The following EMILIN2 variants were observed in gnomAD, a reference collection of about 807,000 sequenced individuals.
EMILIN2 encodes EMILIN-2.
A neutral mutation model predicts 87.1 loss-of-function variants in EMILIN2; 71 were observed. The ratio of observed to expected loss-of-function variants is 0.82; its 90% CI spans 0.67 to 0.99. The LOEUF (loss-of-function observed/expected upper bound fraction) is 0.99, where lower values mean the gene tolerates loss of function less well. Among genes scored for constraint, EMILIN2 ranks in the 50% least tolerant of loss-of-function variants. The probability of loss-of-function intolerance (pLI) is 0.00; values close to 1 mark genes in which losing one functional copy is unlikely to be tolerated. For missense variants in EMILIN2, 1,407 were observed against 1,371.8 expected (o/e 1.03, Z -0.40); for synonymous variants, 581 against 563.4 (o/e 1.03, Z -0.44).
chr18:2,876,629 G>A (rs1321438021), intron 2 of EMILIN2, among the ~76,000 whole-genome samples: 7 of 125,850 alleles, frequency 5.6e-5, no homozygotes, highest in African/African-American at 2.0e-4. Context: ...AGCCGGGTGT[G>A]GTGGCGGGCG....
intron 4 of EMILIN2, among the ~76,000 whole-genome samples, chr18:2,901,280 C>T (rs568102275): frequency 3.9e-5 from 6 of 152,352 alleles, no homozygotes; most frequent in Admixed American, 3.9e-4. Flanking sequence ...TCTCCTCCTG[C>T]AGCCCAGCTG....
intron 2 of EMILIN2, among the ~76,000 whole-genome samples, chr18:2,871,763 T>C (rs2076721099): frequency 6.6e-6 from 1 of 152,230 alleles, no homozygotes; most frequent in East Asian, 1.9e-4. Flanking sequence ...CATCACCTGA[T>C]TGTCGGAAAT....
At chr18:2,858,531 A>G (rs2076639571) in intron 2 of EMILIN2, among the ~76,000 whole-genome samples, 1 of 25,254 alleles carries the variant, frequency 4.0e-5, no homozygotes, top group South Asian at 1.4e-3. Context: ...TCATATATAT[A>G]TATATATATA....
chr18:2,913,084 T>G lies in EMILIN2; in HGVS notation c.2842T>G (p.Tyr948Asp). The G allele has an allele frequency of 6.2e-7, 1 of 1,610,532 alleles. No homozygotes were observed. The highest frequency in any genetic ancestry group is 8.5e-7 in the Non-Finnish European group (1 of 1,179,940). The change falls in exon 8 of 8, where the codon TAT becomes GAT. Residue 948 changes from tyrosine (Y) to aspartate (D), a missense_variant. Tyr to Asp is a radical substitution (Grantham distance 160, BLOSUM62 -3). Transcript: ENST00000254528. The part of the protein sequence containing the change: ...NPSTGVFTAP[Y>D]DGRYLITATL... Reference sequence around the variant, plus strand: ...CCCCGCAGGGGTCTTCACGGCTCCTTATGATGGGCGCTACCTGATCACGGC... The same window carrying G: ...CCCCGCAGGGGTCTTCACGGCTCCTGATGATGGGCGCTACCTGATCACGGC...
rs2076880767 is a variant in EMILIN2, at chr18:2,899,857, A to C, written c.2360-6926A>C. On this transcript the variant is annotated intron_variant, in intron 4 of 7. Coordinates refer to ENST00000254528, the MANE Select transcript of EMILIN2 (RefSeq NM_032048.3). The stretch of plus-strand genomic sequence containing the variant: ...AAAATTCCAAGAGCTGCTGATGCTC[A>C]GCTGAGTGAGTGCCTTCTCTGTCGG... 1.3e-5 allele frequency among the ~76,000 whole-genome samples: 2 copies of C among 152,256 alleles called. 1 individual carries two copies. The highest frequency in any genetic ancestry group is 4.1e-4 in the South Asian group (2 of 4,836).
chr18:2,885,288 T>C, intron 3 of EMILIN2, 149 bp downstream of exon 3: 1 of 867,600 alleles, frequency 1.2e-6, no homozygotes, highest in Non-Finnish European at 1.6e-6. Flanking sequence ...TGTGACAAAT[T>C]TATTCTCAGG....
intron 4 of EMILIN2, among the ~76,000 whole-genome samples, chr18:2,897,173 A>G (rs1444775496): frequency 6.6e-6 from 1 of 152,178 alleles, no homozygotes; most frequent in Non-Finnish European, 1.5e-5. Flanking sequence ...GCTGTGATAA[A>G]GGAGTTGGAT....
At chr18:2,850,080 C>T (rs1334662738) in intron 2 of EMILIN2, among the ~76,000 whole-genome samples, 7 of 150,068 alleles carry the variant, frequency 4.7e-5, no homozygotes, top group Non-Finnish European at 8.8e-5. Flanking sequence ...GTGTGTGCCA[C>T]CATGCCCAGC....
At chr18:2,893,944 G>C (rs988968049) in intron 4 of EMILIN2, among the ~76,000 whole-genome samples, 1 of 152,144 alleles carries the variant, frequency 6.6e-6, no homozygotes, top group African/African-American at 2.4e-5. Context: ...TGGTCCATGG[G>C]GACTTGTTGA....
chr18:2,875,029 G>A (rs550964158), intron 2 of EMILIN2, among the ~76,000 whole-genome samples: 15 of 152,324 alleles, frequency 9.8e-5, no homozygotes, highest in African/African-American at 3.4e-4. Context: ...GCAGCTACAT[G>A]CTGAAGTGTG....
chr18:2,913,314 G>T lies in EMILIN2; in HGVS notation c.3072G>T (p.Val1024=). 6.2e-7 allele frequency: 1 copy of T among 1,613,160 alleles called. No individual in the cohort carries two copies. Among genetic ancestry groups the T allele is most frequent in the Middle Eastern group, 1.7e-4 (1 of 6,054 alleles). The part of the protein sequence containing the change: ...LKAGDAVNVV[V]TGGKLAHTDF... Reference sequence around the variant, plus strand: ...CGGGAGATGCAGTCAACGTCGTGGTGACTGGGGGCAAGCTGGCTCACACAG... The same window carrying T: ...CGGGAGATGCAGTCAACGTCGTGGTTACTGGGGGCAAGCTGGCTCACACAG... The change falls in exon 8 of 8, where the codon GTG becomes GTT. Residue 1024 remains valine (V), a synonymous_variant. Transcript: ENST00000254528.
intron 2 of EMILIN2, among the ~76,000 whole-genome samples, chr18:2,881,858 G>T (rs532629402): frequency 6.6e-6 from 1 of 152,226 alleles, no homozygotes; most frequent in Non-Finnish European, 1.5e-5. Context: ...CCACACAGAG[G>T]ACTCCTGCTA....
intron 2 of EMILIN2, among the ~76,000 whole-genome samples, chr18:2,873,517 C>A (rs1031512011): frequency 1.3e-5 from 2 of 151,920 alleles, no homozygotes; most frequent in Non-Finnish European, 2.9e-5. Flanking sequence ...ACCATCCTGG[C>A]TAACACGGTG....
chr18:2,905,902 G>T (rs1365629497), intron 4 of EMILIN2, among the ~76,000 whole-genome samples: 1 of 152,058 alleles, frequency 6.6e-6, no homozygotes, highest in Non-Finnish European at 1.5e-5. Flanking sequence ...GGGATTACGG[G>T]CGTGAGCCAC....
In EMILIN2 at chr18:2,847,979, G is replaced by GCGCCCGGGCC; in HGVS notation, c.257+48_257+49insCGCCCGGGCC. 6.6e-7 allele frequency: 1 copy of GCGCCCGGGCC among 1,523,176 alleles called. No individual in the cohort carries two copies. 94.4% of individuals were successfully genotyped at this position (1,523,176 alleles called of 1,614,324 possible). Reference sequence around the variant, plus strand: ...GGGCGGGGCGCGCCCGGGCCGGGGCGGTGGGGGTGGGGTGGGGTTGCTGCG... The same window carrying GCGCCCGGGCC: ...GGGCGGGGCGCGCCCGGGCCGGGGCGCGCCCGGGCCGTGGGGGTGGGGTGGGGTTGCTGCG... On this transcript the variant is annotated intron_variant, in intron 2 of 7. Coordinates refer to ENST00000254528, the MANE Select transcript of EMILIN2 (RefSeq NM_032048.3). This position sits in a 1 kb window ranked among gnomAD's most constrained non-coding sequence, Gnocchi z 4.5.
At chr18:2,875,342 G>A (rs958842590) in intron 2 of EMILIN2, among the ~76,000 whole-genome samples, 2 of 152,224 alleles carry the variant, frequency 1.3e-5, no homozygotes, top group African/African-American at 2.4e-5. Context: ...TCTCATGGCC[G>A]TGCCGTGGGA....
At chr18:2,886,163 T>C (rs2076802470) in intron 3 of EMILIN2, among the ~76,000 whole-genome samples, 1 of 152,216 alleles carries the variant, frequency 6.6e-6, no homozygotes, top group South Asian at 2.1e-4. Context: ...ATTGAACTTC[T>C]ATATCTGTCA....
chr18:2,886,382 A>G (rs909530254), intron 3 of EMILIN2, among the ~76,000 whole-genome samples: 1 of 152,216 alleles, frequency 6.6e-6, no homozygotes, highest in African/African-American at 2.4e-5. Flanking sequence ...AGCATATTGT[A>G]GTTTAATAAG....
intron 2 of EMILIN2, among the ~76,000 whole-genome samples, 187 bp from the exon 3 acceptor site, chr18:2,884,777 G>C (rs2076794925): frequency 6.6e-6 from 1 of 152,206 alleles, no homozygotes; most frequent in Non-Finnish European, 1.5e-5. Flanking sequence ...CTGCCTTCCT[G>C]AGGCTGATCT....
Sources: allele counts gnomAD v4.1 joint callset (sites outside exome capture counted in the v4.1 genomes callset), GRCh38; gene constraint gnomAD v4.1.1; non-coding constraint Gnocchi (gnomAD v3.1); transcripts MANE v1.5; gene names NCBI Gene and HGNC (gene_info 2026-07-23, HGNC 2026-07-21).